The following PDZRN3 variants were observed in gnomAD, a reference collection of about 807,000 sequenced individuals.
PDZRN3 encodes the protein PDZ domain containing ring finger 3, also known as E3 ubiquitin-protein ligase PDZRN3.
In PDZRN3, 38 loss-of-function variants were observed where a neutral mutation model predicts 85.7. The ratio of observed to expected loss-of-function variants is 0.44; its 90% CI spans 0.34 to 0.58. The LOEUF (loss-of-function observed/expected upper bound fraction) is 0.58. PDZRN3 is among the 20% of genes least tolerant of loss of function. The probability of loss-of-function intolerance (pLI) is 0.01; values close to 1 mark genes in which losing one functional copy is unlikely to be tolerated. For missense variants in PDZRN3, 1,629 were observed against 1,506.4 expected (o/e 1.08, Z -1.35); for synonymous variants, 759 against 638.0 (o/e 1.19, Z -2.86).
Position 73,383,812 on chromosome 3 carries a change from G to T in PDZRN3, c.2754C>A (p.Arg918=), listed in dbSNP as rs1351383753. The T allele has an allele frequency of 6.2e-7, 1 of 1,613,458 alleles. No individual in the cohort carries two copies. The highest frequency in any genetic ancestry group is 1.3e-5 in the African/African-American group (1 of 74,948). The change falls in exon 10 of 10, where the codon CGC becomes CGA. Residue 918 remains arginine (R), a synonymous_variant. Transcript: ENST00000263666. ...DLSSPTPSEP[R]MEWKVKIRSD... is the part of the protein sequence containing the mutation. Reference sequence around the variant, plus strand: ...TGCGGATCTTCACCTTCCACTCCATGCGCGGCTCCGACGGGGTGGGAGAGC... The same window carrying T: ...TGCGGATCTTCACCTTCCACTCCATTCGCGGCTCCGACGGGGTGGGAGAGC...
intron 4 of PDZRN3, among the ~76,000 whole-genome samples, chr3:73,403,856 A>G (rs1701801445): frequency 6.6e-6 from 1 of 152,186 alleles, no homozygotes; most frequent in African/African-American, 2.4e-5. Flanking sequence ...TCAAATTACC[A>G]TTTGGGGTGA....
intron 3 of PDZRN3, among the ~76,000 whole-genome samples, chr3:73,505,273 C>T (rs1704049636): frequency 6.6e-6 from 1 of 152,102 alleles, no homozygotes; most frequent in Admixed American, 6.5e-5. Context: ...CTGATTGAGC[C>T]CTTTGAGAAA....
chr3:73,389,112 A>G (rs1157224593), intron 7 of PDZRN3, among the ~76,000 whole-genome samples: 1 of 152,046 alleles, frequency 6.6e-6, no homozygotes, highest in African/African-American at 2.4e-5. Flanking sequence ...GTGGTGAGGT[A>G]TGCAATGAGA....
intron 2 of PDZRN3, among the ~76,000 whole-genome samples, chr3:73,603,010 C>CTATTATA (rs1325499698): frequency 7.2e-5 from 11 of 152,214 alleles, no homozygotes; most frequent in African/African-American, 2.6e-4. Flanking sequence ...ATTATCTTTG[C>CTATTATA]TATTATAGTT....
At chr3:73,498,998 C>G (rs1386257398) in intron 3 of PDZRN3, among the ~76,000 whole-genome samples, 1 of 152,172 alleles carries the variant, frequency 6.6e-6, no homozygotes. Context: ...AGGGTCCCAG[C>G]ATAGGCAGAA....
In PDZRN3 at chr3:73,384,677, C is replaced by T. The variant is rs776331499; in HGVS notation, c.1889G>A (p.Cys630Tyr). ...FSNESFISAD[C>Y]TDADYLGIPV... ...GATCCCCAGGTAGTCGGCGTCCGTG[C>T]AGTCGGCCGAAATGAAAGACTCGTT... Residue 630 changes from cysteine to tyrosine, a missense_variant, in exon 10 of 10, where the codon TGC (cysteine) becomes TAC (tyrosine). Physicochemically the swap from Cys to Tyr is radical, Grantham distance 194. Transcript: ENST00000263666. 1 of 1,613,900 alleles carries T rather than the reference C, an allele frequency of 6.2e-7. No homozygotes were observed. The highest frequency in any genetic ancestry group is 2.2e-5 in the East Asian group (1 of 44,890).
intron 3 of PDZRN3, among the ~76,000 whole-genome samples, chr3:73,484,108 T>C (rs998780587): frequency 2.4e-4 from 36 of 151,912 alleles, no homozygotes; most frequent in African/African-American, 8.7e-4. Flanking sequence ...GGGGATGATA[T>C]GAGAAATAAT....
At chr3:73,487,435 C>T (rs6783760) in intron 3 of PDZRN3, among the ~76,000 whole-genome samples, 11,031 of 152,150 alleles carry the variant, frequency 0.073, 546 homozygotes, top group South Asian at 0.22. Flanking sequence ...CTCTTTACAC[C>T]TCCCAGGAGA....
In PDZRN3 at chr3:73,618,552, C is replaced by T. The variant is rs369341939; in HGVS notation, c.723+5551G>A. ...TAATGTATGCACATACAGAAAGCAC[C>T]TTAAGTGTATGGCACCCAGTGGAAC... On this transcript the variant is annotated intron_variant, in intron 1 of 9. Transcript: ENST00000263666. Among the ~76,000 whole-genome samples, 24 of 152,248 alleles carry T rather than the reference C, an allele frequency of 1.6e-4. No homozygotes were observed. In the East Asian group the frequency reaches 4.1e-3, roughly 26 times the overall value.
chr3:73,510,672 T>G (rs1255010604), intron 3 of PDZRN3, among the ~76,000 whole-genome samples: 5 of 152,152 alleles, frequency 3.3e-5, no homozygotes, highest in Non-Finnish European at 2.9e-5. Flanking sequence ...TGCATAGTCA[T>G]CTCCCCCTTA....
intron 1 of PDZRN3, among the ~76,000 whole-genome samples, chr3:73,617,553 T>C (rs555490242): frequency 6.6e-6 from 1 of 152,208 alleles, no homozygotes; most frequent in Non-Finnish European, 1.5e-5. Flanking sequence ...GGCCTGGCAC[T>C]AGGGGTATGA....
chr3:73,507,877 G>T (rs1381951769), intron 3 of PDZRN3, among the ~76,000 whole-genome samples: 1 of 152,092 alleles, frequency 6.6e-6, no homozygotes, highest in Non-Finnish European at 1.5e-5. Context: ...GCGATCATTT[G>T]AGGCCAGGAG....
At position 73,454,612 on chromosome 3, in the gene PDZRN3, G is replaced by A. The variant is rs536728002; in HGVS notation, c.919-50217C>T. Among the ~76,000 whole-genome samples, 6 of 152,296 alleles carry A rather than the reference G, an allele frequency of 3.9e-5. No homozygotes were observed. The East Asian group carries it at 1.2e-3, about 29-fold the overall frequency. On this transcript the variant is annotated intron_variant, in intron 3 of 9. Transcript: ENST00000263666. ...CATCTAAGAATACAGTCATTGAACT[G>A]GGTGGGGTGGTATCTATAAATGCTA... is the stretch of plus-strand genomic sequence containing the variant.
intron 3 of PDZRN3, among the ~76,000 whole-genome samples, chr3:73,518,285 T>C (rs75441181): frequency 0.04 from 6,135 of 152,206 alleles, 414 homozygotes; most frequent in African/African-American, 0.14. Context: ...ACCACCTATG[T>C]GGTATCTAGA....
intron 3 of PDZRN3, among the ~76,000 whole-genome samples, chr3:73,590,283 AAAAG>A (rs1702338498): frequency 6.6e-6 from 1 of 151,460 alleles, no homozygotes; most frequent in Non-Finnish European, 1.5e-5. Context: ...AAAAAAAAAA[AAAAG>A]AAAGAGAATG....
intron 3 of PDZRN3, among the ~76,000 whole-genome samples, chr3:73,452,145 G>C (rs1367390500): frequency 2.6e-5 from 4 of 152,120 alleles, no homozygotes; most frequent in Admixed American, 6.5e-5. Flanking sequence ...ATGTGAAGAG[G>C]ACAAATGACC....
rs555433481 is a variant in PDZRN3 at position 73,385,585 on chromosome 3, T to C, written c.1635+84A>G. The C allele has an allele frequency of 1.2e-4, 100 of 817,024 alleles. No homozygotes were observed. The South Asian group carries it at 1.4e-3, about 12-fold the overall frequency. The allele number at this position is 817,024 out of a possible 1,614,324, so 50.6% of individuals were successfully genotyped here. On this transcript the variant is annotated intron_variant, in intron 9 of 9. Transcript: ENST00000263666. Reference sequence around the variant, plus strand: ...AGGTGGATGGACTTCTGATGGTCTTTAGCACCATAAAGGGAGATGGAGGAA... The same window carrying C: ...AGGTGGATGGACTTCTGATGGTCTTCAGCACCATAAAGGGAGATGGAGGAA...
At chr3:73,507,832 G>T (rs547435541) in intron 3 of PDZRN3, among the ~76,000 whole-genome samples, 2 of 152,168 alleles carry the variant, frequency 1.3e-5, no homozygotes, top group African/African-American at 4.8e-5. Context: ...AGTGGCTCAC[G>T]CCTGTAATCC....
At chr3:73,518,033 G>C (rs1476261651) in intron 3 of PDZRN3, among the ~76,000 whole-genome samples, 1 of 152,132 alleles carries the variant, frequency 6.6e-6, no homozygotes, top group Non-Finnish European at 1.5e-5. Flanking sequence ...TGGAAAGCAG[G>C]GTCTTGAAGA....
Sources: gnomAD v4.1 joint callset for allele counts (sites outside exome capture counted in the v4.1 genomes callset) on GRCh38, gnomAD v4.1.1 for gene constraint, MANE v1.5 for transcripts, NCBI Gene and HGNC (gene_info 2026-07-23, HGNC 2026-07-21) for gene names.